The following ELP4 variants were observed in gnomAD, a reference collection of about 807,000 sequenced individuals.
ELP4 encodes the protein elongator complex protein 4.
ELP4 carries 51 observed loss-of-function variants against 48.9 expected under a neutral mutation model. The observed-to-expected ratio is 1.04, with a 90% CI of 0.83 to 1.32. The LOEUF (loss-of-function observed/expected upper bound fraction) is 1.32. Among genes scored for constraint, ELP4 ranks in the 40% most tolerant of loss-of-function variants. The pLI is 0.00. For synonymous variants in ELP4, 210 were observed against 189.2 expected, an observed-to-expected ratio of 1.11 and a Z score of -0.90; for missense variants, 519 against 514.6, an observed-to-expected ratio of 1.01 and a Z score of -0.08.
At chr11:31,597,525 C>G (rs1957691209) in intron 4 of ELP4, among the ~76,000 whole-genome samples, 1 of 152,154 alleles carries the variant, frequency 6.6e-6, no homozygotes, top group Non-Finnish European at 1.5e-5. Flanking sequence ...CAGATTCATT[C>G]AAGTGACTGG....
At chr11:31,593,491 C>G (rs973296731) in intron 3 of ELP4, among the ~76,000 whole-genome samples, 5 of 152,050 alleles carry the variant, frequency 3.3e-5, no homozygotes, top group Admixed American at 6.6e-5. Context: ...TGATCCCCCC[C>G]TACCTTGGCC....
intron 9 of ELP4, among the ~76,000 whole-genome samples, chr11:31,756,623 A>G (rs987137019): frequency 6.6e-6 from 1 of 152,160 alleles, no homozygotes; most frequent in Non-Finnish European, 1.5e-5. Flanking sequence ...TTGAATCTCC[A>G]GCTAGCTTGT....
At chr11:31,584,951 GTATT>G (rs1311491039) in intron 3 of ELP4, among the ~76,000 whole-genome samples, 2 of 152,152 alleles carry the variant, frequency 1.3e-5, no homozygotes, top group Non-Finnish European at 1.5e-5. Flanking sequence ...ACTGTAATGA[GTATT>G]TATTCCTCTA....
intron 9 of ELP4, among the ~76,000 whole-genome samples, chr11:31,752,956 G>A (rs1003156744): frequency 1.3e-5 from 2 of 151,998 alleles, no homozygotes; most frequent in Non-Finnish European, 2.9e-5. Flanking sequence ...CCTAGGACTT[G>A]GTATTCCTAT....
chr11:31,643,829 GT>G lies in ELP4; in HGVS notation c.928-3903del, dbSNP rs202165454. Among the ~76,000 whole-genome samples the G allele has an allele frequency of 2.7e-5, 4 of 150,668 alleles. No homozygotes were observed. In the Admixed American group the frequency reaches 2.7e-4, roughly 10 times the overall value. The stretch of plus-strand genomic sequence containing the variant: ...AACAGTCAAAACAAATACTCTGAAG[GT>G]TTTTTTTTGAAATTAAAATTGAAAT... On this transcript the variant is annotated intron_variant, in intron 7 of 9. Coordinates refer to ENST00000640961, the MANE Select transcript of ELP4 (RefSeq NM_019040.5).
intron 9 of ELP4, among the ~76,000 whole-genome samples, chr11:31,724,216 A>G (rs1273060131): frequency 5.9e-5 from 9 of 152,156 alleles, no homozygotes; most frequent in Admixed American, 1.3e-4. Context: ...CCCCTCTAGA[A>G]GACTGGACTG....
intron 4 of ELP4, among the ~76,000 whole-genome samples, chr11:31,603,556 T>C (rs1227470972): frequency 6.6e-6 from 1 of 151,726 alleles, no homozygotes; most frequent in Non-Finnish European, 1.5e-5. Flanking sequence ...TGAAGAAACA[T>C]GAAAGATAAA....
intron 2 of ELP4, 56 bp from the exon 3 acceptor site, chr11:31,539,606 G>A: frequency 6.5e-7 from 1 of 1,527,376 alleles, no homozygotes; most frequent in Non-Finnish European, 8.8e-7. Context: ...CTGTTTGATA[G>A]CCATTTGATT....
chr11:31,738,957 G>T (rs956028674), intron 9 of ELP4, among the ~76,000 whole-genome samples: 1 of 152,204 alleles, frequency 6.6e-6, no homozygotes, highest in African/African-American at 2.4e-5. Flanking sequence ...TGAGTATAAA[G>T]TTTCAGTCAT....
rs1183568201 is a variant in ELP4, at chr11:31,789,738, C to T, written c.*6214C>T. 5.7e-6 allele frequency: 4 copies of T among 707,578 alleles called. No individual in the cohort carries two copies. The highest frequency in any genetic ancestry group is 2.7e-5 in the East Asian group (1 of 37,282). The allele number at this position is 707,578 out of a possible 1,614,324, so 43.8% of individuals were successfully genotyped here. ...AATGAAGATTTGTTCCAACTGATATCGTGCCTTCTGTATACAAAGGTCCTT... is the reference window on the plus strand; with the variant it reads ...AATGAAGATTTGTTCCAACTGATATTGTGCCTTCTGTATACAAAGGTCCTT... On this transcript the variant is annotated 3_prime_UTR_variant, in exon 10 of 10. Coordinates refer to ENST00000640961, the MANE Select transcript of ELP4 (RefSeq NM_019040.5).
chr11:31,659,614 T>A (rs905572537), intron 9 of ELP4, among the ~76,000 whole-genome samples: 5 of 152,150 alleles, frequency 3.3e-5, no homozygotes, highest in Admixed American at 2.6e-4. Flanking sequence ...GGATTCTTCA[T>A]TGAACATTTC....
intron 9 of ELP4, among the ~76,000 whole-genome samples, chr11:31,708,652 G>A (rs1006965414): frequency 1.3e-5 from 2 of 152,104 alleles, no homozygotes; most frequent in Non-Finnish European, 2.9e-5. Context: ...CAGTATGAAT[G>A]TCTTAAGAGA....
intron 9 of ELP4, among the ~76,000 whole-genome samples, chr11:31,769,391 C>T (rs1239075584): frequency 1.3e-5 from 2 of 152,134 alleles, no homozygotes; most frequent in Non-Finnish European, 2.9e-5. Context: ...TATATGATTG[C>T]CACATTTCCA....
chr11:31,534,361 G>A (rs905361749), intron 2 of ELP4, among the ~76,000 whole-genome samples: 1 of 151,660 alleles, frequency 6.6e-6, no homozygotes, highest in Admixed American at 6.6e-5. Context: ...ACTGAAAGAG[G>A]GCCACATTTG....
At position 31,744,178 on chromosome 11, in the gene ELP4, C is replaced by T. The variant is rs192033776; in HGVS notation, c.1144-39215C>T. Reference sequence around the variant, plus strand: ...AAATTCCTCAACACGTACATCCACCCAAGACTAAACCAGGAAGAAGTTGAA... The same window carrying T: ...AAATTCCTCAACACGTACATCCACCTAAGACTAAACCAGGAAGAAGTTGAA... On this transcript the variant is annotated intron_variant, in intron 9 of 9. Transcript: ENST00000640961. Among the ~76,000 whole-genome samples, 337 of 152,206 alleles carry T rather than the reference C, an allele frequency of 2.2e-3. 3 individuals carry two copies. Among genetic ancestry groups the T allele is most frequent in the African/African-American group, 7.3e-3 (304 of 41,504 alleles).
intron 2 of ELP4, 87 bp from the exon 3 acceptor site, chr11:31,539,575 A>G: frequency 2.9e-6 from 4 of 1,357,584 alleles, no homozygotes; most frequent in Non-Finnish European, 4.0e-6. Flanking sequence ...AAAAAAATAT[A>G]AAAACATATG....
rs200358643 is a variant in ELP4, at chr11:31,704,227, T to TA, written c.1143+54019dup. Among the ~76,000 whole-genome samples, 180 of 142,148 alleles carry TA rather than the reference T, an allele frequency of 1.3e-3. 4 individuals are homozygous for TA. In the East Asian group the frequency reaches 0.018, roughly 14 times the overall value. The allele number at this position is 142,148 out of a possible 152,430, so 93.3% of individuals were successfully genotyped here. On this transcript the variant is annotated intron_variant, in intron 9 of 9. Coordinates refer to ENST00000640961, the MANE Select transcript of ELP4 (RefSeq NM_019040.5). Reference sequence around the variant, plus strand: ...GAAAATAGAAAAACTTCTCAGCAACTAAAAAAAAAAAAATCTCACATGGTT... The same window carrying TA: ...GAAAATAGAAAAACTTCTCAGCAACTAAAAAAAAAAAAAATCTCACATGGTT...
chr11:31,613,091 G>A (rs2134015668), intron 5 of ELP4, among the ~76,000 whole-genome samples: 1 of 152,278 alleles, frequency 6.6e-6, no homozygotes. Context: ...GCTAATGGAA[G>A]CTGTAAAAAC....
chr11:31,726,112 C>G (rs902427557), intron 9 of ELP4, among the ~76,000 whole-genome samples: 4 of 152,058 alleles, frequency 2.6e-5, no homozygotes, highest in African/African-American at 9.7e-5. Context: ...AGGTTGAGAT[C>G]TGGAAAATTG....
Sources: allele counts gnomAD v4.1 joint callset (sites outside exome capture counted in the v4.1 genomes callset), GRCh38; gene constraint gnomAD v4.1.1; transcripts MANE v1.5; gene names NCBI Gene and HGNC (gene_info 2026-07-23, HGNC 2026-07-21).